BCAR3: variants seen among roughly 807,000 people sequenced by gnomAD.
BCAR3 encodes breast cancer anti-estrogen resistance protein 3.
BCAR3 carries 37 observed loss-of-function variants against 80.1 expected under a neutral mutation model. The observed-to-expected ratio is 0.46, with a 90% CI of 0.36 to 0.61. BCAR3 has a LOEUF of 0.61. BCAR3 is among the 20% of genes least tolerant of loss of function. BCAR3 has a pLI of 0.00. For synonymous variants in BCAR3, 389 were observed against 418.9 expected (o/e 0.93, Z 0.87); for missense variants, 978 against 1,068.2 (o/e 0.92, Z 1.18).
chr1:93,711,524 T>C lies in BCAR3; in HGVS notation c.-62-5382A>G, dbSNP rs1333915171. ...AGGTACAATGTCACTTCTACCACAT[T>C]CTATTGGCCAAGACAAGTCATGAGG... On this transcript the variant is annotated intron_variant, in intron 2 of 13. Coordinates refer to the BCAR3 transcript ENST00000370244. Among the ~76,000 whole-genome samples the C allele has an allele frequency of 3.3e-5, 5 of 152,142 alleles. No individual in the cohort carries two copies. The East Asian group carries it at 9.6e-4, about 29-fold the overall frequency.
chr1:93,569,650 C>T (rs1262416169), intron 9 of BCAR3, among the ~76,000 whole-genome samples: 1 of 152,230 alleles, frequency 6.6e-6, no homozygotes, highest in East Asian at 1.9e-4. Context: ...TCCTTTTGGG[C>T]TTTCTCTGGG....
At chr1:93,738,161 T>C (rs1651047673) in intron 2 of BCAR3, among the ~76,000 whole-genome samples, 1 of 152,056 alleles carries the variant, frequency 6.6e-6, no homozygotes. Context: ...AAGATCAGAG[T>C]TTAATTCAAG....
In BCAR3 at chr1:93,781,194, T is replaced by C. The variant is rs368727439; in HGVS notation, c.-63+64373A>G. ...TAAGACAATACAAAAGAAACAACCA[T>C]GGCTATGTTCCAGTAAAACTCTATG... On this transcript the variant is annotated intron_variant, in intron 2 of 13. Transcript: ENST00000370244. Among the ~76,000 whole-genome samples the C allele has an allele frequency of 2.6e-4, 40 of 152,346 alleles. 3 individuals are homozygous for C. Among genetic ancestry groups the C allele is most frequent in the Admixed American group, 1.2e-3 (19 of 15,304 alleles).
At chr1:93,591,088 T>C (rs1674156043) in intron 4 of BCAR3, among the ~76,000 whole-genome samples, 1 of 151,148 alleles carries the variant, frequency 6.6e-6, no homozygotes, top group Non-Finnish European at 1.5e-5. Context: ...ATCTATGTTT[T>C]CTACAATCAA....
At chr1:93,844,703 CT>C (rs11363783) in intron 2 of BCAR3, among the ~76,000 whole-genome samples, 9,078 of 140,366 alleles carry the variant, frequency 0.065, 258 homozygotes, top group African/African-American at 0.13. Flanking sequence ...TGACTTTCTT[CT>C]TTTTTTTTTT....
At chr1:93,796,516 G>A (rs868392122) in intron 2 of BCAR3, among the ~76,000 whole-genome samples, 4 of 150,182 alleles carry the variant, frequency 2.7e-5, no homozygotes, top group Admixed American at 6.6e-5. Flanking sequence ...GCTTCGGCTC[G>A]CGCACGGTGC....
intron 10 of BCAR3, 81 bp from the exon 11 acceptor site, chr1:93,567,572 C>T: frequency 6.6e-7 from 1 of 1,506,132 alleles, no homozygotes; most frequent in Non-Finnish European, 9.1e-7. Flanking sequence ...TAGCCCTTGT[C>T]TTGTTACAGC....
chr1:93,820,094 TCACA>T (rs1654161776), intron 2 of BCAR3, among the ~76,000 whole-genome samples: 1 of 152,220 alleles, frequency 6.6e-6, no homozygotes, highest in Non-Finnish European at 1.5e-5. Flanking sequence ...CAGAACTCAC[TCACA>T]CAAACACAGT....
At chr1:93,584,274 G>A (rs55668649) in intron 5 of BCAR3, among the ~76,000 whole-genome samples, 153 bp from the exon 6 acceptor site, 2,439 of 152,272 alleles carry the variant, frequency 0.016, 63 homozygotes, top group African/African-American at 0.055. Context: ...AGGAATGACC[G>A]CTGGAGAAAC....
chr1:93,622,741 G>A (rs1402480084), intron 3 of BCAR3, among the ~76,000 whole-genome samples: 6 of 152,160 alleles, frequency 3.9e-5, no homozygotes, highest in Non-Finnish European at 7.3e-5. Context: ...ACTTCCTAAC[G>A]TAGTCAACTG....
chr1:93,790,620 T>TG (rs1371792041), intron 2 of BCAR3, among the ~76,000 whole-genome samples: 4 of 136,104 alleles, frequency 2.9e-5, no homozygotes, highest in African/African-American at 1.4e-4. Flanking sequence ...TAGTCTTTTT[T>TG]TTTTTTTGTA....
intron 2 of BCAR3, among the ~76,000 whole-genome samples, chr1:93,741,896 A>G (rs539608450): frequency 1.3e-5 from 2 of 152,288 alleles, no homozygotes; most frequent in Admixed American, 6.5e-5. Flanking sequence ...AATCTTCACA[A>G]TGATGTGGTA....
At chr1:93,624,593 C>G (rs1675403389) in intron 3 of BCAR3, among the ~76,000 whole-genome samples, 2 of 152,202 alleles carry the variant, frequency 1.3e-5, no homozygotes, top group African/African-American at 4.8e-5. Context: ...GCCTCATGAC[C>G]CATGTCTTAT....
intron 9 of BCAR3, 81 bp from the exon 10 acceptor site, chr1:93,567,932 A>C (rs1673026286): frequency 8.6e-7 from 1 of 1,164,226 alleles, no homozygotes; most frequent in East Asian, 2.4e-5. Flanking sequence ...CACGCCTGTA[A>C]TGCCAGCACT....
intron 2 of BCAR3, among the ~76,000 whole-genome samples, chr1:93,762,400 T>C (rs1446717809): frequency 1.3e-5 from 2 of 152,316 alleles, no homozygotes; most frequent in Middle Eastern, 3.4e-3. Flanking sequence ...CTCCCCATCA[T>C]GGTGACCATA....
At chr1:93,736,825 T>C (rs1383455532) in intron 2 of BCAR3, among the ~76,000 whole-genome samples, 4 of 152,208 alleles carry the variant, frequency 2.6e-5, no homozygotes, top group Admixed American at 6.5e-5. Flanking sequence ...AAAATCATCA[T>C]GGTTAACTTT....
intron 3 of BCAR3, among the ~76,000 whole-genome samples, chr1:93,698,804 T>C (rs1649525418): frequency 6.6e-6 from 1 of 152,222 alleles, no homozygotes; most frequent in Non-Finnish European, 1.5e-5. Context: ...AGTTTTCTCC[T>C]TTTGTTTCAT....
chr1:93,820,878 C>A (rs915015682), intron 2 of BCAR3, among the ~76,000 whole-genome samples: 1 of 143,068 alleles, frequency 7.0e-6, no homozygotes, highest in South Asian at 2.2e-4. Context: ...CCCACCCCCA[C>A]CCAACCTAGA....
At chr1:93,789,610 G>A (rs1653071800) in intron 2 of BCAR3, among the ~76,000 whole-genome samples, 1 of 152,172 alleles carries the variant, frequency 6.6e-6, no homozygotes, top group African/African-American at 2.4e-5. Flanking sequence ...AATTTGAAGA[G>A]AACAGGTCTC....
Sources: allele counts gnomAD v4.1 joint callset (sites outside exome capture counted in the v4.1 genomes callset), GRCh38; gene constraint gnomAD v4.1.1; transcripts MANE v1.5; gene names NCBI Gene and HGNC (gene_info 2026-07-23, HGNC 2026-07-21).